Variants in POLRMT observed in about 807,000 individuals in gnomAD.
The protein encoded by POLRMT is RNA polymerase mitochondrial.
POLRMT carries 114 observed loss-of-function variants against 132.2 expected under a neutral mutation model. The ratio of observed to expected loss-of-function variants is 0.86; its 90% CI spans 0.74 to 1.01. The LOEUF is 1.01. POLRMT is among the 50% of genes least tolerant of loss of function. The pLI, the probability that POLRMT is intolerant of heterozygous loss-of-function variation, is 0.00. For missense variants in POLRMT, 2,003 were observed against 1,729.1 expected (o/e 1.16, Z -2.81); for synonymous variants, 1,020 against 773.4 (o/e 1.32, Z -5.29).
chr19:618,841 A>G, intron 15 of POLRMT, 81 bp from the exon 16 acceptor site: 2 of 1,475,934 alleles, frequency 1.4e-6, no homozygotes, highest in East Asian at 2.5e-5. Flanking sequence ...ACACTGGGGT[A>G]GTGGCACGCT....
chr19:626,696 C>CAAAAAAAAAAAAA (rs59746130), intron 3 of POLRMT, among the ~76,000 whole-genome samples: 8 of 105,046 alleles, frequency 7.6e-5, no homozygotes, highest in African/African-American at 3.5e-4. Flanking sequence ...ACTAAAAATA[C>CAAAAAAAAAAAAA]AAAAAAAAAA....
intron 3 of POLRMT, among the ~76,000 whole-genome samples, chr19:626,696 C>CAAAAAAAAAAAAAAAAA (rs59746130): frequency 2.9e-5 from 3 of 105,046 alleles, no homozygotes; most frequent in African/African-American, 1.3e-4. Context: ...ACTAAAAATA[C>CAAAAAAAAAAAAAAAAA]AAAAAAAAAA....
Position 622,734 on chromosome 19 carries a change from C to A in POLRMT, c.1474G>T (p.Ala492Ser), listed in dbSNP as rs756199533. The change falls in exon 8 of 21, where the codon GCC becomes TCC. Residue 492 changes from alanine (A) to serine (S), a missense_variant. Coordinates refer to ENST00000588649, the MANE Select transcript of POLRMT (RefSeq NM_005035.4). ...MLLQVLQALP[A>S]QGESFTTLAR... is the part of the protein sequence containing the mutation. Reference sequence around the variant, plus strand: ...AGGGTGGTGAAGGACTCACCTTGGGCGGGCAGCGCCTGCAGGACCTGCGGA... The same window carrying A: ...AGGGTGGTGAAGGACTCACCTTGGGAGGGCAGCGCCTGCAGGACCTGCGGA... 39 of 1,593,300 alleles carry A rather than the reference C, an allele frequency of 2.4e-5. No homozygotes were observed. Among genetic ancestry groups the A allele is most frequent in the Non-Finnish European group, 3.2e-5 (38 of 1,171,640 alleles).
At chr19:630,277 G>T in intron 2 of POLRMT, 109 bp from the exon 3 acceptor site, 1 of 1,327,914 alleles carries the variant, frequency 7.5e-7, no homozygotes, top group Non-Finnish European at 1.0e-6. Context: ...GAGCTCGCTG[G>T]GACCCAAGGC....
intron 3 of POLRMT, chr19:625,496 C>T (rs1172471603): frequency 4.1e-6 from 2 of 482,124 alleles, no homozygotes; most frequent in Non-Finnish European, 3.7e-6. Context: ...CTCTGGGAGG[C>T]AGCTTGTTAA....
At chr19:626,378 T>A (rs1985014698) in intron 3 of POLRMT, among the ~76,000 whole-genome samples, 1 of 150,318 alleles carries the variant, frequency 6.7e-6, no homozygotes, top group African/African-American at 2.4e-5. Flanking sequence ...GGTCTCCAAC[T>A]CCTGACCTCA....
chr19:624,394 T>G (rs999459056), intron 5 of POLRMT, among the ~76,000 whole-genome samples: 1 of 151,882 alleles, frequency 6.6e-6, no homozygotes, highest in Non-Finnish European at 1.5e-5. Flanking sequence ...TTTAAGAGGG[T>G]TTTATGGCAG....
Position 621,234 on chromosome 19 carries a change from G to A in POLRMT, c.2464C>T (p.Arg822Trp), listed in dbSNP as rs754644901. ...HFNHLGSDVARALLEFAQGRP... is the reference protein window; with the variant it reads ...HFNHLGSDVAWALLEFAQGRP... ...CCCTGGGCGAACTCCAGCAGGGCCC[G>A]CGCCACGTCGCTGCCCAGGTGGTTG... Residue 822 changes from arginine (R) to tryptophan (W), a missense_variant, in exon 10 of 21, where the codon CGG becomes TGG. By Grantham distance (101) the Arg-to-Trp change is moderately radical. Transcript: ENST00000588649. 3.1e-6 allele frequency: 5 copies of A among 1,609,078 alleles called. No individual in the cohort carries two copies. The highest frequency in any genetic ancestry group is 4.2e-6 in the Non-Finnish European group (5 of 1,177,988).
rs1984116075 is a variant in POLRMT, at chr19:617,796, T to G, written c.3476A>C (p.Asp1159Ala). 6.2e-7 allele frequency: 1 copy of G among 1,613,228 alleles called. No individual in the cohort carries two copies. The highest frequency in any genetic ancestry group is 1.1e-5 in the South Asian group (1 of 91,068). The change falls in exon 18 of 21, where the codon GAT (aspartate) becomes GCT (alanine). Residue 1159 changes from aspartate (D) to alanine (A), a missense_variant. Transcript: ENST00000588649. Reference sequence around the variant, plus strand: ...GGGCACCTGGTTCATGACGGAGACATCAGCTGCGTGAGTCCAGTAACAGTC... The same window carrying G: ...GGGCACCTGGTTCATGACGGAGACAGCAGCTGCGTGAGTCCAGTAACAGTC... ...VHDCYWTHAA[D>A]VSVMNQVCRE...
chr19:633,390 C>T (rs762559591), intron 1 of POLRMT, 35 bp downstream of exon 1: 2 of 1,479,324 alleles, frequency 1.4e-6, no homozygotes, highest in South Asian at 1.4e-5. Context: ...CACGCCGTGG[C>T]CCCCGGGCTG....
At chr19:623,655 C>T (rs1984808496) in intron 5 of POLRMT, 52 bp from the exon 6 acceptor site, 1 of 1,592,864 alleles carries the variant, frequency 6.3e-7, no homozygotes, top group Non-Finnish European at 8.6e-7. Flanking sequence ...GCGACCTGCC[C>T]TCCCAGGACC....
At position 624,722 on chromosome 19, in the gene POLRMT, G is replaced by C. The variant is rs752289209; in HGVS notation, c.1137C>G (p.Ala379=). 1.2e-6 allele frequency: 2 copies of C among 1,612,770 alleles called. No homozygotes were observed. The highest frequency in any genetic ancestry group is 1.7e-6 in the Non-Finnish European group (2 of 1,179,424). ...NTSKLLRDVY[A]KDGRVSYPKL... is the part of the protein sequence containing the mutation. ...GCCGGGGCCCACGTGGGCTCACCTT[G>C]GCATACACGTCCCTGAGCAGCTTGG... The change falls in exon 5 of 21, where the codon GCC becomes GCG. Residue 379 remains alanine (A), a synonymous_variant. Transcript: ENST00000588649.
At position 629,999 on chromosome 19, in the gene POLRMT, G is replaced by T; in HGVS notation, c.363C>A (p.Arg121=). 6.2e-7 allele frequency: 1 copy of T among 1,613,828 alleles called. No individual in the cohort carries two copies. The highest frequency in any genetic ancestry group is 1.1e-5 in the South Asian group (1 of 91,084). The stretch of plus-strand genomic sequence containing the variant: ...TATCCTTCTCCAGTATCTTTGCCCA[G>T]CGGCCACAGGGCACCGGGGTGGCAT... ...AKDATPVPCG[R]WAKILEKDKR... is the part of the protein sequence containing the mutation. The change falls in exon 3 of 21, where the codon CGC becomes CGA. Residue 121 remains arginine, a synonymous_variant. Coordinates refer to ENST00000588649, the MANE Select transcript of POLRMT (RefSeq NM_005035.4).
intron 2 of POLRMT, 80 bp downstream of exon 2, chr19:632,754 A>T (rs1600600943): frequency 7.9e-7 from 1 of 1,269,200 alleles, no homozygotes; most frequent in Non-Finnish European, 1.1e-6. Context: ...AGCCTGTCTC[A>T]GAATCTGAGC....
At position 623,557 on chromosome 19, in the gene POLRMT, A is replaced by G. The variant is rs1192481425; in HGVS notation, c.1187T>C (p.Leu396Pro). The G allele has an allele frequency of 1.9e-6, 3 of 1,613,574 alleles. No individual in the cohort carries two copies. Among genetic ancestry groups the G allele is most frequent in the Non-Finnish European group, 2.5e-6 (3 of 1,179,996 alleles). Residue 396 changes from leucine to proline, a missense_variant, in exon 6 of 21, where the codon CTG becomes CCG. Transcript: ENST00000588649. ...GAGCTGCTTCTCAAAGAGGCACTGC[A>G]GGGTCTTCAAGGGCAGGTGCAGCTT... The part of the protein sequence containing the change: ...YPKLHLPLKT[L>P]QCLFEKQLHM...
In POLRMT at chr19:617,749, T is replaced by G. The variant is rs142357282; in HGVS notation, c.3495+28A>C. 12,750 of 1,612,504 alleles carry G rather than the reference T, an allele frequency of 7.9e-3. 60 individuals carry two copies. The highest frequency in any genetic ancestry group is 9.3e-3 in the Non-Finnish European group (10,987 of 1,179,432). ...CCAGTGTGGGGGCCCCACCCATGGG[T>G]GGACTGAGGCTCAGACTACGGGGGC... is the stretch of plus-strand genomic sequence containing the variant. On this transcript the variant is annotated intron_variant, in intron 18 of 20. Coordinates refer to ENST00000588649, the MANE Select transcript of POLRMT (RefSeq NM_005035.4).
intron 12 of POLRMT, 22 bp downstream of exon 12, chr19:619,936 C>T (rs372435377): frequency 3.7e-6 from 6 of 1,600,088 alleles, no homozygotes; most frequent in Non-Finnish European, 5.1e-6. Context: ...GAGATGCCCC[C>T]GGGCAGCAGG....
rs752889418 is a variant in POLRMT at position 621,125 on chromosome 19, C to T, written c.2573G>A (p.Arg858Gln). Residue 858 changes from arginine to glutamine, a missense_variant, in exon 10 of 21, where the codon CGG becomes CAG. Arg to Gln is a conservative substitution (Grantham distance 43). Coordinates refer to ENST00000588649, the MANE Select transcript of POLRMT (RefSeq NM_005035.4). Reference protein sequence around the residue: ...LTGLKKREPLRKRLAFAEEVM... With the variant: ...LTGLKKREPLQKRLAFAEEVM... ...CTCCTCCGCAAAGGCCAGGCGCTTC[C>T]GCAGCGGCTCCCGCTTCTTCAACCC... 10 of 1,610,468 alleles carry T rather than the reference C, an allele frequency of 6.2e-6. No individual in the cohort carries two copies. Among genetic ancestry groups the T allele is most frequent in the African/African-American group, 5.4e-5 (4 of 74,508 alleles).
chr19:630,521 G>A (rs1213909519), intron 2 of POLRMT, among the ~76,000 whole-genome samples: 1 of 152,118 alleles, frequency 6.6e-6, no homozygotes, highest in Non-Finnish European at 1.5e-5. Flanking sequence ...CCACCTCTCA[G>A]TACCTCCTCT....
Sources: allele counts gnomAD v4.1 joint callset (sites outside exome capture counted in the v4.1 genomes callset), GRCh38; gene constraint gnomAD v4.1.1; transcripts MANE v1.5; gene names NCBI Gene and HGNC (gene_info 2026-07-23, HGNC 2026-07-21).